Variants in GLRA2 observed in about 807,000 individuals in gnomAD.
The protein encoded by GLRA2 is glycine receptor subunit alpha-2.
A neutral mutation model predicts 31.6 loss-of-function variants in GLRA2; 11 were observed. The observed-to-expected ratio is 0.35, with a 90% CI of 0.22 to 0.58. GLRA2 has a LOEUF of 0.58. Ranked by LOEUF, GLRA2 falls within the 20% of genes least tolerant of loss-of-function variation. The pLI is 0.84. For synonymous variants in GLRA2, 132 were observed against 134.0 expected, an observed-to-expected ratio of 0.99 and a Z score of 0.10; for missense variants, 212 against 351.8, an observed-to-expected ratio of 0.60 and a Z score of 3.18.
the GLRA2 span, among the ~76,000 whole-genome samples, chrX:14,464,010 T>A: frequency 8.9e-6 from 1 of 112,001 alleles, no homozygotes; most frequent in Non-Finnish European, 1.9e-5. Context: ...TGGAGGCTAC[T>A]GTACCCATTT....
At chrX:14,649,156 G>C (rs1432423631) in intron 7 of GLRA2, among the ~76,000 whole-genome samples, 1 of 110,263 alleles carries the variant, frequency 9.1e-6, no homozygotes, top group African/African-American at 3.3e-5. Flanking sequence ...GGAGGTTGCA[G>C]TGAGCCGAGA....
At chrX:14,456,327 A>G in the GLRA2 span, among the ~76,000 whole-genome samples, 1 of 111,642 alleles carries the variant, frequency 9.0e-6, no homozygotes, top group Non-Finnish European at 1.9e-5. Context: ...TAGCATATCC[A>G]TTATCTCCAA....
At chrX:14,466,847 G>T in the GLRA2 span, among the ~76,000 whole-genome samples, 1 of 112,121 alleles carries the variant, frequency 8.9e-6, no homozygotes, top group East Asian at 2.8e-4. Flanking sequence ...AAATTACAAC[G>T]TAGAAATGCC....
the GLRA2 span, among the ~76,000 whole-genome samples, chrX:14,499,783 A>G: frequency 9.0e-6 from 1 of 110,778 alleles, no homozygotes; most frequent in East Asian, 2.8e-4. Context: ...ATCAATAGAA[A>G]CCCAACCTCA....
At chrX:14,676,208 G>C (rs1367320975) in intron 7 of GLRA2, among the ~76,000 whole-genome samples, 1 of 112,713 alleles carries the variant, frequency 8.9e-6, no homozygotes, top group East Asian at 2.8e-4. Flanking sequence ...GGCATAGTTT[G>C]AGAATAATTA....
intron 2 of GLRA2, among the ~76,000 whole-genome samples, chrX:14,552,715 C>A (rs1358716098): frequency 8.9e-6 from 1 of 112,193 alleles, no homozygotes; most frequent in Admixed American, 9.4e-5. Context: ...CCCCTTTGAC[C>A]TGGCAGACCT....
At chrX:14,469,560 T>C in the GLRA2 span, among the ~76,000 whole-genome samples, 1 of 106,451 alleles carries the variant, frequency 9.4e-6, no homozygotes, top group African/African-American at 3.4e-5. Context: ...ATGGATGAAA[T>C]TGGAAATCAT....
At chrX:14,553,061 G>A (rs984063999) in intron 2 of GLRA2, among the ~76,000 whole-genome samples, 9 of 111,797 alleles carry the variant, frequency 8.1e-5, no homozygotes, top group Admixed American at 1.9e-4. Flanking sequence ...AGAGGAGGCC[G>A]TGTGGCTTCT....
At chrX:14,712,918 ATCTTCCAAGTT>A (rs1362828123) in intron 8 of GLRA2, among the ~76,000 whole-genome samples, 1 of 111,887 alleles carries the variant, frequency 8.9e-6, no homozygotes, top group Non-Finnish European at 1.9e-5. Flanking sequence ...TGCTTTCCAG[ATCTTCCAAGTT>A]TCTCTTACTG....
chrX:14,675,282 C>A lies in GLRA2; in HGVS notation c.931-15428C>A, dbSNP rs1024648657. ...TGTTGCTTGTGTATTCTAGGGCTGG[C>A]AGTTTTACTCTTCTTGTACCTCTCC... On this transcript the variant is annotated intron_variant, in intron 7 of 8. Transcript: ENST00000218075. Among the ~76,000 whole-genome samples, 3 of 111,539 alleles carry A rather than the reference C, an allele frequency of 2.7e-5. No individual in the cohort carries two copies. The South Asian group carries it at 1.1e-3, about 42-fold the overall frequency.
At chrX:14,492,834 C>G in the GLRA2 span, among the ~76,000 whole-genome samples, 1 of 111,919 alleles carries the variant, frequency 8.9e-6, no homozygotes, top group Non-Finnish European at 1.9e-5. Context: ...TCTCACAGTT[C>G]TGAAGTCTGG....
intron 4 of GLRA2, among the ~76,000 whole-genome samples, chrX:14,595,364 G>T (rs1019748935): frequency 9.0e-6 from 1 of 111,577 alleles, no homozygotes; most frequent in African/African-American, 3.3e-5. Context: ...GACCTTTGTG[G>T]AACTCCCAAC....
chrX:14,473,258 T>C, the GLRA2 span, among the ~76,000 whole-genome samples: 4 of 111,629 alleles, frequency 3.6e-5, no homozygotes, highest in Non-Finnish European at 7.5e-5. Flanking sequence ...TAGTGCAAAG[T>C]ACTTGTGTGT....
At chrX:14,588,825 T>A (rs1042598855) in intron 4 of GLRA2, among the ~76,000 whole-genome samples, 13 of 111,227 alleles carry the variant, frequency 1.2e-4, no homozygotes, top group Non-Finnish European at 2.5e-4. Flanking sequence ...AAGTATTTCA[T>A]TTTTTTTGTA....
chrX:14,475,582 GTTC>G, the GLRA2 span, among the ~76,000 whole-genome samples: 1 of 111,145 alleles, frequency 9.0e-6, no homozygotes, highest in Non-Finnish European at 1.9e-5. Flanking sequence ...ACATACCCAT[GTTC>G]TTCTTATTTA....
At chrX:14,450,738 C>CTCCATCAT in the GLRA2 span, among the ~76,000 whole-genome samples, 1 of 111,669 alleles carries the variant, frequency 9.0e-6, no homozygotes, top group Non-Finnish European at 1.9e-5. Context: ...CACAGTCTCA[C>CTCCATCAT]TCCATCATCC....
At chrX:14,577,000 A>G (rs766733046) in intron 3 of GLRA2, among the ~76,000 whole-genome samples, 184 of 112,952 alleles carry the variant, frequency 1.6e-3, no homozygotes, top group Non-Finnish European at 2.8e-3. Flanking sequence ...TACAGAAAAT[A>G]TTTTTTGGAA....
At chrX:14,460,591 G>A in the GLRA2 span, among the ~76,000 whole-genome samples, 1 of 111,549 alleles carries the variant, frequency 9.0e-6, no homozygotes, top group Non-Finnish European at 1.9e-5. Context: ...TCTTGGGAGG[G>A]TGTATGTGCC....
chrX:14,565,296 A>G (rs1250507991), intron 2 of GLRA2, among the ~76,000 whole-genome samples: 2 of 112,000 alleles, frequency 1.8e-5, no homozygotes, highest in Non-Finnish European at 3.8e-5. Flanking sequence ...TCCATGAAAT[A>G]GTAACCAAAA....
Sources: allele counts gnomAD v4.1 joint callset (sites outside exome capture counted in the v4.1 genomes callset), GRCh38; gene constraint gnomAD v4.1.1; transcripts MANE v1.5; gene names NCBI Gene and HGNC (gene_info 2026-07-23, HGNC 2026-07-21).